The following GRID2 variants were observed in gnomAD, a reference collection of about 807,000 sequenced individuals.
GRID2 encodes glutamate receptor ionotropic, delta-2.
Under a neutral mutation model 114.8 loss-of-function variants are expected in GRID2, and 33 were observed. That is an observed-to-expected ratio of 0.29 (90% CI 0.22 to 0.38). The LOEUF is 0.38. Ranked by LOEUF, GRID2 falls within the 10% of genes least tolerant of loss-of-function variation. The pLI, the probability that GRID2 is intolerant of heterozygous loss-of-function variation, is 1.00. For missense variants in GRID2, 1,184 were observed against 1,257.7 expected (o/e 0.94, Z 0.89); for synonymous variants, 505 against 449.9 (o/e 1.12, Z -1.55).
At chr4:92,992,471 T>C (rs1051781974) in intron 2 of GRID2, among the ~76,000 whole-genome samples, 23 of 152,178 alleles carry the variant, frequency 1.5e-4, no homozygotes, top group Non-Finnish European at 4.4e-5. Context: ...TAAAGTATTA[T>C]CTGGAGTTAT....
At chr4:93,690,971 T>G (rs1309901805) in intron 14 of GRID2, among the ~76,000 whole-genome samples, 4 of 149,076 alleles carry the variant, frequency 2.7e-5, no homozygotes, top group Admixed American at 2.0e-4. Flanking sequence ...TAAATAAGTC[T>G]TTCATTTTAA....
At chr4:93,085,860 AT>A (rs1475478963) in intron 3 of GRID2, among the ~76,000 whole-genome samples, 2 of 152,156 alleles carry the variant, frequency 1.3e-5, no homozygotes, top group African/African-American at 2.4e-5. Flanking sequence ...TAAAAAAAAA[AT>A]TCTTTAATCT....
rs1377651009 is a variant in GRID2 at position 92,485,328 on chromosome 4, A to AG, written c.89-104803_89-104802insG. On this transcript the variant is annotated intron_variant, in intron 1 of 15. Coordinates refer to ENST00000282020, the MANE Select transcript of GRID2 (RefSeq NM_001510.4). The stretch of plus-strand genomic sequence containing the variant: ...TATATATATATATATATATATATAT[A>AG]TATATATATATATATATATAGTGTG... Among the ~76,000 whole-genome samples the AG allele has an allele frequency of 1.4e-3, 145 of 103,358 alleles. 5 individuals carry two copies. The highest frequency in any genetic ancestry group is 4.5e-3 in the African/African-American group (132 of 29,088). 67.8% of individuals were successfully genotyped at this position (103,358 alleles called of 152,430 possible). A position where few individuals can be genotyped will look rare whatever the true frequency, so the allele number is the denominator to read the frequency against.
chr4:93,478,643 A>T (rs1725561435), intron 11 of GRID2, among the ~76,000 whole-genome samples: 1 of 151,716 alleles, frequency 6.6e-6, no homozygotes. Context: ...CATTATGTTA[A>T]TGTTAAGTAT....
intron 2 of GRID2, among the ~76,000 whole-genome samples, chr4:93,070,336 T>G (rs923109866): frequency 1.3e-5 from 2 of 152,114 alleles, no homozygotes; most frequent in African/African-American, 4.8e-5. Flanking sequence ...ATAGACAGTT[T>G]TTTTTCCCCA....
intron 1 of GRID2, among the ~76,000 whole-genome samples, chr4:92,440,229 A>G (rs1335540750): frequency 6.8e-6 from 1 of 146,324 alleles, no homozygotes; most frequent in Non-Finnish European, 1.5e-5. Context: ...CTTAAGGGAT[A>G]TAAAGGTTTC....
At chr4:93,248,597 G>A (rs887385662) in intron 8 of GRID2, among the ~76,000 whole-genome samples, 5 of 152,058 alleles carry the variant, frequency 3.3e-5, no homozygotes, top group African/African-American at 1.2e-4. Flanking sequence ...TGTTCTCTCA[G>A]GCCTATCTGG....
At chr4:93,388,324 A>G (rs1459270433) in intron 8 of GRID2, among the ~76,000 whole-genome samples, 1 of 152,198 alleles carries the variant, frequency 6.6e-6, no homozygotes, top group Non-Finnish European at 1.5e-5. Context: ...CTTTGGAATC[A>G]TCTTCATAAC....
intron 14 of GRID2, among the ~76,000 whole-genome samples, chr4:93,630,668 G>A (rs1471791247): frequency 6.6e-6 from 1 of 152,196 alleles, no homozygotes; most frequent in South Asian, 2.1e-4. Flanking sequence ...TTAGATTCAT[G>A]ATAGTGACAC....
At chr4:93,386,824 C>A (rs1292124954) in intron 8 of GRID2, among the ~76,000 whole-genome samples, 3 of 152,112 alleles carry the variant, frequency 2.0e-5, no homozygotes, top group Non-Finnish European at 1.5e-5. Flanking sequence ...CCCACTCCTC[C>A]CAACAAGCAG....
rs562331740 is a variant in GRID2, at chr4:92,872,613, A to C, written c.245-212382A>C. Among the ~76,000 whole-genome samples, 17 of 152,350 alleles carry C rather than the reference A, an allele frequency of 1.1e-4. No homozygotes were observed. The South Asian group carries it at 3.5e-3, about 32-fold the overall frequency. Reference sequence around the variant, plus strand: ...CTGCAGGGGGCAAATCCATGCAAGTATATCTTCAAAGTCAGAGGAAGCCAA... The same window carrying C: ...CTGCAGGGGGCAAATCCATGCAAGTCTATCTTCAAAGTCAGAGGAAGCCAA... On this transcript the variant is annotated intron_variant, in intron 2 of 15. Transcript: ENST00000282020.
rs796957309 is a variant in GRID2, at chr4:92,839,074, G to A, written c.245-245921G>A. ...GAATTGGTGTGTCTGAGAATGCTAT[G>A]GCAGTGATTTTATAAGTCTTTCAAG... On this transcript the variant is annotated intron_variant, in intron 2 of 15. Coordinates refer to ENST00000282020, the MANE Select transcript of GRID2 (RefSeq NM_001510.4). 3.3e-5 allele frequency among the ~76,000 whole-genome samples: 5 copies of A among 152,040 alleles called. No homozygotes were observed. The South Asian group carries it at 8.3e-4, about 25-fold the overall frequency.
At chr4:92,700,820 G>A (rs1056808328) in intron 2 of GRID2, among the ~76,000 whole-genome samples, 4 of 151,948 alleles carry the variant, frequency 2.6e-5, no homozygotes, top group East Asian at 1.9e-4. Flanking sequence ...GTGAAACCCC[G>A]TCTCTGCTAC....
intron 4 of GRID2, among the ~76,000 whole-genome samples, chr4:93,111,374 CA>C (rs1469233595): frequency 6.6e-6 from 1 of 152,140 alleles, no homozygotes; most frequent in Non-Finnish European, 1.5e-5. Context: ...ATTACTGTTA[CA>C]AAACATATAC....
chr4:92,683,402 G>C (rs1733748378), intron 2 of GRID2, among the ~76,000 whole-genome samples: 1 of 152,042 alleles, frequency 6.6e-6, no homozygotes, highest in Non-Finnish European at 1.5e-5. Flanking sequence ...TGCCTAGACA[G>C]AAGTGCACAA....
At chr4:92,943,428 A>G (rs955177958) in intron 2 of GRID2, among the ~76,000 whole-genome samples, 4 of 152,108 alleles carry the variant, frequency 2.6e-5, no homozygotes, top group Admixed American at 6.5e-5. Context: ...TTTCAGCTCC[A>G]TCAGGTCGTT....
At chr4:93,151,550 A>T (rs532433014) in intron 4 of GRID2, among the ~76,000 whole-genome samples, 2 of 152,108 alleles carry the variant, frequency 1.3e-5, no homozygotes, top group South Asian at 4.1e-4. Context: ...GTAACAAAAA[A>T]TAGATTAAAG....
chr4:93,422,601 G>A (rs935525462), intron 9 of GRID2, among the ~76,000 whole-genome samples, 170 bp from the exon 10 acceptor site: 1 of 152,148 alleles, frequency 6.6e-6, no homozygotes, highest in Non-Finnish European at 1.5e-5. Flanking sequence ...GAATGATTAA[G>A]CATTGTTAAA....
intron 1 of GRID2, among the ~76,000 whole-genome samples, chr4:92,343,542 TA>T (rs562990762): frequency 1.5e-4 from 23 of 152,178 alleles, no homozygotes; most frequent in African/African-American, 4.6e-4. Flanking sequence ...GTGTTATATA[TA>T]AAAATATGTG....
Sources: allele counts gnomAD v4.1 joint callset (sites outside exome capture counted in the v4.1 genomes callset), GRCh38; gene constraint gnomAD v4.1.1; transcripts MANE v1.5; gene names NCBI Gene and HGNC (gene_info 2026-07-23, HGNC 2026-07-21).